The following FBLN7 variants were observed in gnomAD, a reference collection of about 807,000 sequenced individuals.
The protein encoded by FBLN7 is fibulin-7.
A neutral mutation model predicts 44.0 loss-of-function variants in FBLN7; 31 were observed. The ratio of observed to expected loss-of-function variants is 0.70; its 90% CI spans 0.53 to 0.95. The LOEUF is 0.95. Ranked by LOEUF, FBLN7 falls within the 40% of genes least tolerant of loss-of-function variation. FBLN7 has a pLI of 0.00. For synonymous variants in FBLN7, 262 were observed against 253.4 expected (o/e 1.03, Z -0.32); for missense variants, 573 against 618.5 (o/e 0.93, Z 0.78).
At chr2:112,174,732 C>T (rs1483039655) in intron 3 of FBLN7, among the ~76,000 whole-genome samples, 15 of 151,988 alleles carry the variant, frequency 9.9e-5, no homozygotes, top group Admixed American at 2.0e-4. Context: ...GTTTTTGAGA[C>T]GGAGTCTCAT....
chr2:112,213,775 CAAAAAAAAAAAA>C, the FBLN7 span: 4 of 24,074 alleles, frequency 1.7e-4, no homozygotes, highest in African/African-American at 6.0e-4. Flanking sequence ...GACTCCGTCT[CAAAAAAAAAAAA>C]AAAAAAAAAA....
intron 1 of FBLN7, among the ~76,000 whole-genome samples, chr2:112,154,676 T>C (rs7575979): frequency 0.51 from 76,767 of 151,990 alleles, 19,741 homozygotes; most frequent in Middle Eastern, 0.71. Context: ...GTCCATCCCA[T>C]AGCCCCTCAC....
At chr2:112,223,487 A>G in the FBLN7 span, among the ~76,000 whole-genome samples, 1 of 152,140 alleles carries the variant, frequency 6.6e-6, no homozygotes, top group Admixed American at 6.5e-5. Flanking sequence ...GATATGAAGG[A>G]CTGCTGTTTT....
chr2:112,184,680 A>G (rs1683161695), intron 6 of FBLN7, among the ~76,000 whole-genome samples: 1 of 149,682 alleles, frequency 6.7e-6, no homozygotes, highest in African/African-American at 2.4e-5. Context: ...TATGCTGTAT[A>G]TGGTGTATAT....
chr2:112,182,099 C>A, intron 5 of FBLN7: 1 of 582,938 alleles, frequency 1.7e-6, no homozygotes. Flanking sequence ...CCTGGTCCAG[C>A]CTATGCCCAA....
chr2:112,193,150 A>G (rs1407369771), downstream of FBLN7, among the ~76,000 whole-genome samples: 1 of 152,168 alleles, frequency 6.6e-6, no homozygotes, highest in African/African-American at 2.4e-5. Context: ...TGATAGAAAA[A>G]TGGCATAGGG....
chr2:112,231,719 A>G, the FBLN7 span: 2 of 479,934 alleles, frequency 4.2e-6, no homozygotes, highest in South Asian at 5.2e-5. Flanking sequence ...ATTAGTCCTA[A>G]TATATCCCAT....
At position 112,165,016 on chromosome 2, in the gene FBLN7, T is replaced by G; in HGVS notation, c.251T>G (p.Leu84Arg). The G allele has an allele frequency of 6.2e-7, 1 of 1,614,150 alleles. No homozygotes were observed. The highest frequency in any genetic ancestry group is 2.2e-5 in the East Asian group (1 of 44,878). Residue 84 changes from leucine (L) to arginine (R), a missense_variant, in exon 3 of 8, where the codon CTG becomes CGG. Physicochemically the swap from Leu to Arg is moderately radical, Grantham distance 102. Transcript: ENST00000331203. Reference protein sequence around the residue: ...PDALPVSCPALNTPADGRKFG... With the variant: ...PDALPVSCPARNTPADGRKFG... ...CTCCTTACAGTTTCCTGCCCGGCTCTGAACACCCCCGCAGACGGCAGAAAG... is the reference window on the plus strand; with the variant it reads ...CTCCTTACAGTTTCCTGCCCGGCTCGGAACACCCCCGCAGACGGCAGAAAG...
At chr2:112,216,348 A>T in the FBLN7 span, 4 of 152,344 alleles carry the variant, frequency 2.6e-5, no homozygotes, top group Admixed American at 2.6e-4. Flanking sequence ...GCTGCACATC[A>T]CCCCAGTCAC....
the FBLN7 span, among the ~76,000 whole-genome samples, chr2:112,231,118 C>A: frequency 2.0e-5 from 3 of 152,046 alleles, no homozygotes; most frequent in African/African-American, 7.2e-5. Context: ...ATATATATCA[C>A]TTTTCCATAT....
At chr2:112,176,858 C>T (rs1682758069) in intron 4 of FBLN7, 1 of 152,150 alleles carries the variant, frequency 6.6e-6, no homozygotes. Flanking sequence ...AATGGGTTCC[C>T]TTCTGCCCTA....
At chr2:112,232,234 T>C in the FBLN7 span, among the ~76,000 whole-genome samples, 1 of 150,188 alleles carries the variant, frequency 6.7e-6, no homozygotes, top group African/African-American at 2.5e-5. Flanking sequence ...CAAAATCATT[T>C]GAACCTGGGA....
chr2:112,150,461 A>G (rs1425587264), intron 1 of FBLN7, among the ~76,000 whole-genome samples: 2 of 152,234 alleles, frequency 1.3e-5, no homozygotes, highest in Non-Finnish European at 1.5e-5. Context: ...TGAACGGGTC[A>G]GTATCACCTC....
chr2:112,159,216 TTA>T (rs1197586650), intron 1 of FBLN7, among the ~76,000 whole-genome samples: 1 of 151,944 alleles, frequency 6.6e-6, no homozygotes, highest in Non-Finnish European at 1.5e-5. Context: ...ATTTCCCATG[TTA>T]TATGTCTTTA....
chr2:112,233,258 A>T, the FBLN7 span: 3 of 1,537,984 alleles, frequency 2.0e-6, no homozygotes, highest in Non-Finnish European at 2.6e-6. Flanking sequence ...GATAAAGGAT[A>T]TTATGCAAAT....
At chr2:112,230,693 A>C in the FBLN7 span, 1 of 224,252 alleles carries the variant, frequency 4.5e-6, no homozygotes, top group East Asian at 1.5e-4. Context: ...AGAGGAGAAT[A>C]AAAATATACC....
At chr2:112,184,468 G>C (rs1264833702) in intron 6 of FBLN7, among the ~76,000 whole-genome samples, 1 of 152,068 alleles carries the variant, frequency 6.6e-6, no homozygotes, top group Non-Finnish European at 1.5e-5. Context: ...AGGCCCACCT[G>C]GGGTTGCTTG....
the FBLN7 span, among the ~76,000 whole-genome samples, chr2:112,208,453 T>C: frequency 6.6e-6 from 1 of 152,146 alleles, no homozygotes; most frequent in Non-Finnish European, 1.5e-5. Context: ...CATAGTGGAC[T>C]GGGGACTGGA....
At chr2:112,203,317 A>G in the FBLN7 span, among the ~76,000 whole-genome samples, 1 of 152,278 alleles carries the variant, frequency 6.6e-6, no homozygotes, top group Non-Finnish European at 1.5e-5. Context: ...AGACTGGAAG[A>G]CTCATATGTT....
Sources: allele counts gnomAD v4.1 joint callset (sites outside exome capture counted in the v4.1 genomes callset), GRCh38; gene constraint gnomAD v4.1.1; transcripts MANE v1.5; gene names NCBI Gene and HGNC (gene_info 2026-07-23, HGNC 2026-07-21).